GPHN: variants seen among roughly 807,000 people sequenced by gnomAD.
The protein encoded by GPHN is gephyrin.
In GPHN, 17 loss-of-function variants were observed where a neutral mutation model predicts 95.5. The ratio of observed to expected loss-of-function variants is 0.18; its 90% CI spans 0.12 to 0.27. The LOEUF is 0.27. Among genes scored for constraint, GPHN ranks in the 10% least tolerant of loss-of-function variants. The probability of loss-of-function intolerance (pLI) is 1.00; values close to 1 mark genes in which losing one functional copy is unlikely to be tolerated. For missense variants in GPHN, 660 were observed against 978.1 expected (o/e 0.67, Z 4.34); for synonymous variants, 320 against 322.5 (o/e 0.99, Z 0.08).
chr14:67,687,857 T>C, the GPHN span, among the ~76,000 whole-genome samples: 1 of 151,106 alleles, frequency 6.6e-6, no homozygotes, highest in East Asian at 2.0e-4. Context: ...CACTGCAAAC[T>C]CTGTCCCAGG....
chr14:67,367,349 G>T, the GPHN span, among the ~76,000 whole-genome samples: 4,453 of 152,254 alleles, frequency 0.029, 86 homozygotes, highest in Non-Finnish European at 0.036. Flanking sequence ...TCCTGTCTCA[G>T]CCTCCAGAGT....
chr14:67,003,713 T>C lies in GPHN; in HGVS notation c.964-19920T>C, dbSNP rs560899840. 5.3e-5 allele frequency among the ~76,000 whole-genome samples: 8 copies of C among 151,876 alleles called. 1 individual carries two copies. The South Asian group carries it at 1.7e-3, about 32-fold the overall frequency. ...AATATCATTAAATTTCAGTTAACTT[T>C]ATATAGTGTGATATTATTAGTCCTA... is the stretch of plus-strand genomic sequence containing the variant. On this transcript the variant is annotated intron_variant, in intron 9 of 22. Coordinates refer to ENST00000478722, the MANE Select transcript of GPHN (RefSeq NM_020806.5).
chr14:67,428,571 C>G, the GPHN span, among the ~76,000 whole-genome samples: 3 of 152,202 alleles, frequency 2.0e-5, no homozygotes, highest in Non-Finnish European at 4.4e-5. Flanking sequence ...CGTGGAAGAG[C>G]CAAGATTCCA....
Position 67,069,438 on chromosome 14 carries a change from CT to C in GPHN, c.1144+10653del, listed in dbSNP as rs111899033. Among the ~76,000 whole-genome samples the C allele has an allele frequency of 3.5e-3, 537 of 152,244 alleles. 8 individuals are homozygous for C. The highest frequency in any genetic ancestry group is 0.012 in the African/African-American group (501 of 41,544). On this transcript the variant is annotated intron_variant, in intron 11 of 22. Coordinates refer to ENST00000478722, the MANE Select transcript of GPHN (RefSeq NM_020806.5). ...GCCAATCTCAGCTTAAGATAACTGC[CT>C]ATGCTCAGGCAGCTAACTAGCTGGA...
chr14:67,272,814 A>T, the GPHN span, among the ~76,000 whole-genome samples: 1 of 152,088 alleles, frequency 6.6e-6, no homozygotes, highest in Admixed American at 6.6e-5. Flanking sequence ...ACAAGCCACC[A>T]TGGCTGGATA....
intron 11 of GPHN, among the ~76,000 whole-genome samples, chr14:67,078,131 A>G (rs1224273092): frequency 6.6e-6 from 1 of 152,190 alleles, no homozygotes; most frequent in Non-Finnish European, 1.5e-5. Context: ...GCTTCTTGGC[A>G]CACAGCCTAA....
At chr14:66,870,426 G>A (rs1434582544) in intron 4 of GPHN, among the ~76,000 whole-genome samples, 1 of 152,166 alleles carries the variant, frequency 6.6e-6, no homozygotes, top group Non-Finnish European at 1.5e-5. Flanking sequence ...AGAGAAAGAT[G>A]AAGAACTTTG....
chr14:67,354,575 T>C, the GPHN span, among the ~76,000 whole-genome samples: 2 of 152,090 alleles, frequency 1.3e-5, no homozygotes, highest in Admixed American at 1.3e-4. Flanking sequence ...GCTAAATACA[T>C]CAGAGTTCAC....
At chr14:67,566,667 G>T in the GPHN span, among the ~76,000 whole-genome samples, 1 of 151,560 alleles carries the variant, frequency 6.6e-6, no homozygotes, top group African/African-American at 2.4e-5. Flanking sequence ...AGTTAAGTTT[G>T]AGCCCAGGGA....
the GPHN span, among the ~76,000 whole-genome samples, chr14:67,251,990 T>A: frequency 5.3e-5 from 8 of 152,210 alleles, no homozygotes; most frequent in Middle Eastern, 3.4e-3. Flanking sequence ...AGATTCTGGG[T>A]TGGCGAATAT....
the GPHN span, among the ~76,000 whole-genome samples, chr14:67,260,322 G>A: frequency 2.0e-5 from 3 of 152,332 alleles, no homozygotes; most frequent in Non-Finnish European, 4.4e-5. Flanking sequence ...GAGGACATTC[G>A]TGGTAAGAAG....
the GPHN span, among the ~76,000 whole-genome samples, chr14:67,222,452 T>C: frequency 6.6e-6 from 1 of 152,116 alleles, no homozygotes; most frequent in East Asian, 1.9e-4. Flanking sequence ...CCACCACGCC[T>C]AACTAAATTT....
At chr14:67,059,260 A>C (rs1202544970) in intron 11 of GPHN, among the ~76,000 whole-genome samples, 2 of 152,166 alleles carry the variant, frequency 1.3e-5, no homozygotes, top group Admixed American at 1.3e-4. Context: ...CATGGATACT[A>C]AGACAACGGA....
chr14:67,289,749 G>A, the GPHN span, among the ~76,000 whole-genome samples: 1 of 151,138 alleles, frequency 6.6e-6, no homozygotes, highest in Non-Finnish European at 1.5e-5. Flanking sequence ...AGGCACATTG[G>A]GAAGATTTTT....
At chr14:67,369,795 G>C in the GPHN span, among the ~76,000 whole-genome samples, 1 of 152,138 alleles carries the variant, frequency 6.6e-6, no homozygotes, top group African/African-American at 2.4e-5. Flanking sequence ...CAGTTATCTA[G>C]GCTTTTGTTT....
intron 1 of GPHN, among the ~76,000 whole-genome samples, chr14:66,671,398 T>A (rs1486445178): frequency 6.6e-6 from 1 of 152,212 alleles, no homozygotes; most frequent in South Asian, 2.1e-4. Flanking sequence ...ATTTATCTGC[T>A]GCCCGTTTGT....
chr14:66,619,990 G>C lies in GPHN; in HGVS notation c.65-61117G>C, dbSNP rs146554136. On this transcript the variant is annotated intron_variant, in intron 1 of 22. Coordinates refer to ENST00000478722, the MANE Select transcript of GPHN (RefSeq NM_020806.5). Reference sequence around the variant, plus strand: ...GATGTAAGGAGATTCCTCAGGATTTGATCGCCAGTGTTTTTGTCTAAGTGT... The same window carrying C: ...GATGTAAGGAGATTCCTCAGGATTTCATCGCCAGTGTTTTTGTCTAAGTGT... Among the ~76,000 whole-genome samples the C allele has an allele frequency of 1.8e-4, 28 of 152,268 alleles. 1 individual carries two copies. Among genetic ancestry groups the C allele is most frequent in the Admixed American group, 1.6e-3 (25 of 15,296 alleles).
At chr14:67,000,251 C>A (rs188688971) in intron 9 of GPHN, among the ~76,000 whole-genome samples, 68 of 151,566 alleles carry the variant, frequency 4.5e-4, no homozygotes, top group African/African-American at 1.4e-3. Flanking sequence ...AGTTAAATTG[C>A]AGTGAGTAAG....
chr14:67,034,951 A>G (rs1403935617), intron 10 of GPHN, among the ~76,000 whole-genome samples: 2 of 152,098 alleles, frequency 1.3e-5, no homozygotes, highest in Admixed American at 6.5e-5. Context: ...CCACCCAACA[A>G]TAGTAAAATA....
Sources: allele counts gnomAD v4.1 joint callset (sites outside exome capture counted in the v4.1 genomes callset), GRCh38; gene constraint gnomAD v4.1.1; transcripts MANE v1.5; gene names NCBI Gene and HGNC (gene_info 2026-07-23, HGNC 2026-07-21).